The following RNF216 variants were observed in gnomAD, a reference collection of about 807,000 sequenced individuals.
RNF216 encodes ring finger protein 216, also known as E3 ubiquitin-protein ligase RNF216.
A neutral mutation model predicts 110.8 loss-of-function variants in RNF216; 72 were observed. The observed-to-expected ratio is 0.65, with a 90% CI of 0.54 to 0.79. RNF216 has a LOEUF of 0.79. RNF216 is among the 30% of genes least tolerant of loss of function. The probability of loss-of-function intolerance (pLI) is 0.00; values close to 1 mark genes in which losing one functional copy is unlikely to be tolerated. For synonymous variants in RNF216, 495 were observed against 407.5 expected, an observed-to-expected ratio of 1.21 and a Z score of -2.59; for missense variants, 1,342 against 1,141.2, an observed-to-expected ratio of 1.18 and a Z score of -2.54.
At chr7:5,756,217 C>T (rs1049283887) in intron 2 of RNF216, among the ~76,000 whole-genome samples, 2 of 152,132 alleles carry the variant, frequency 1.3e-5, no homozygotes, top group Admixed American at 6.5e-5. Flanking sequence ...TTCTCCTTTG[C>T]CTTTCGCCAT....
rs577001699 is a variant in RNF216 at position 5,744,840 on chromosome 7, C to T, written c.202-3025G>A. Among the ~76,000 whole-genome samples, 14 of 152,068 alleles carry T rather than the reference C, an allele frequency of 9.2e-5. No individual in the cohort carries two copies. In the South Asian group the frequency reaches 2.1e-3, roughly 23 times the overall value. On this transcript the variant is annotated intron_variant, in intron 3 of 16. Coordinates refer to ENST00000389902, the MANE Select transcript of RNF216 (RefSeq NM_207111.4). ...CTACAAAATTAGCTGGGAGTGGTAG[C>T]GCATGCCTGTAATCCCAGTTATTTG...
At chr7:5,652,932 C>G (rs913750334) in intron 13 of RNF216, among the ~76,000 whole-genome samples, 1 of 152,182 alleles carries the variant, frequency 6.6e-6, no homozygotes, top group Non-Finnish European at 1.5e-5. Flanking sequence ...CTAAAATGCT[C>G]TGGGCCATCT....
chr7:5,756,991 G>A (rs559244544), intron 2 of RNF216, among the ~76,000 whole-genome samples: 3 of 152,202 alleles, frequency 2.0e-5, no homozygotes, highest in African/African-American at 7.2e-5. Context: ...CTCAAAACAT[G>A]GCATTACATG....
chr7:5,740,002 C>CA (rs71004697), intron 4 of RNF216, among the ~76,000 whole-genome samples: 118,603 of 141,130 alleles, frequency 0.84, 50,455 homozygotes, highest in Middle Eastern at 0.93. Context: ...GACTCGGTCT[C>CA]AAAAAAAAAA....
At position 5,715,072 on chromosome 7, in the gene RNF216, G is replaced by A. The variant is rs1393903184; in HGVS notation, c.1814C>T (p.Ala605Val). ...KECLIRYAQE[A>V]VFGSGKLELS... ...TCTTACCTTTCCAGATCCAAAGACT[G>A]CCTCTTGGGCATATCTGATGAGACA... is the stretch of plus-strand genomic sequence containing the variant. Residue 605 changes from alanine (A) to valine (V), a missense_variant, in exon 11 of 17, where the codon GCA becomes GTA. Physicochemically the swap from Ala to Val is moderately conservative, Grantham distance 64. Transcript: ENST00000389902. 2.5e-6 allele frequency: 4 copies of A among 1,613,306 alleles called. No individual in the cohort carries two copies. Among genetic ancestry groups the A allele is most frequent in the Non-Finnish European group, 2.5e-6 (3 of 1,179,718 alleles).
chr7:5,645,530 T>C (rs1202066520), intron 14 of RNF216, among the ~76,000 whole-genome samples: 10 of 152,206 alleles, frequency 6.6e-5, no homozygotes, highest in Admixed American at 6.6e-4. Context: ...TGAATTCTTC[T>C]AGTGTATTTT....
intron 13 of RNF216, among the ~76,000 whole-genome samples, chr7:5,663,503 G>A (rs1789288065): frequency 6.7e-6 from 1 of 148,496 alleles, no homozygotes; most frequent in African/African-American, 2.5e-5. Context: ...AGAATGGCCT[G>A]AACCCGGGAG....
At chr7:5,708,816 A>C (rs958735095) in intron 13 of RNF216, among the ~76,000 whole-genome samples, 2 of 152,192 alleles carry the variant, frequency 1.3e-5, no homozygotes, top group African/African-American at 4.8e-5. Flanking sequence ...TGGGTGAGAC[A>C]GAAGCCAGTC....
intron 13 of RNF216, among the ~76,000 whole-genome samples, chr7:5,694,540 ATC>A (rs1158211327): frequency 2.0e-5 from 3 of 152,214 alleles, no homozygotes; most frequent in Non-Finnish European, 4.4e-5. Context: ...CTGCTATGAG[ATC>A]AGACAGTCAG....
chr7:5,757,571 G>C (rs1302918018), intron 2 of RNF216, among the ~76,000 whole-genome samples: 2 of 152,104 alleles, frequency 1.3e-5, no homozygotes, highest in Admixed American at 1.3e-4. Flanking sequence ...AAAGGAATGA[G>C]TTACTGATAT....
chr7:5,660,872 G>A (rs1789074058), intron 13 of RNF216, among the ~76,000 whole-genome samples: 1 of 149,792 alleles, frequency 6.7e-6, no homozygotes, highest in Non-Finnish European at 1.5e-5. Flanking sequence ...GCCTGGCCTG[G>A]GGAACATCTT....
At chr7:5,768,346 T>TACACACAC (rs71004702) in intron 1 of RNF216, among the ~76,000 whole-genome samples, 6,739 of 71,848 alleles carry the variant, frequency 0.094, 870 homozygotes, top group Middle Eastern at 0.16. Context: ...GGCAGGCAAA[T>TACACACAC]ACACACACAC....
intron 13 of RNF216, among the ~76,000 whole-genome samples, chr7:5,668,212 T>C (rs1374324219): frequency 2.0e-5 from 3 of 151,134 alleles, no homozygotes; most frequent in Non-Finnish European, 2.9e-5. Context: ...TCAGAGTAAA[T>C]AGCAAAGCGG....
At chr7:5,653,193 C>A (rs979265843) in intron 13 of RNF216, among the ~76,000 whole-genome samples, 5 of 152,174 alleles carry the variant, frequency 3.3e-5, no homozygotes, top group African/African-American at 4.8e-5. Context: ...AGTTTCACTT[C>A]ATATATAAAC....
rs556672919 is a variant in RNF216, at chr7:5,715,854, G to C, written c.1696-664C>G. On this transcript the variant is annotated intron_variant, in intron 10 of 16. Coordinates refer to ENST00000389902, the MANE Select transcript of RNF216 (RefSeq NM_207111.4). ...CCTCCCAGGTTCAAGCGATTCTCCT[G>C]CTTCAGCCTCCCGAGTAGTGGGGAT... Among the ~76,000 whole-genome samples, 5 of 149,012 alleles carry C rather than the reference G, an allele frequency of 3.4e-5. No homozygotes were observed. The South Asian group carries it at 8.4e-4, about 25-fold the overall frequency.
intron 13 of RNF216, among the ~76,000 whole-genome samples, chr7:5,698,171 G>A (rs1024412555): frequency 1.3e-5 from 2 of 152,164 alleles, no homozygotes; most frequent in Non-Finnish European, 2.9e-5. Context: ...AAAATCCTCG[G>A]TTTTCTAGAA....
chr7:5,631,521 C>T (rs2128559567), intron 15 of RNF216, among the ~76,000 whole-genome samples: 1 of 152,312 alleles, frequency 6.6e-6, no homozygotes, highest in East Asian at 1.9e-4. Flanking sequence ...ATCTCAAAGG[C>T]AGAAGCGAAT....
intron 1 of RNF216, among the ~76,000 whole-genome samples, chr7:5,764,288 G>C (rs917487890): frequency 5.3e-5 from 8 of 150,038 alleles, no homozygotes; most frequent in Admixed American, 4.7e-4. Flanking sequence ...TTGGACAGTA[G>C]TAAAAATAAA....
At chr7:5,703,247 A>G (rs1792082830) in intron 13 of RNF216, among the ~76,000 whole-genome samples, 1 of 152,224 alleles carries the variant, frequency 6.6e-6, no homozygotes, top group African/African-American at 2.4e-5. Flanking sequence ...TACTTCCTGA[A>G]TAAAGGTCTT....
Sources: allele counts gnomAD v4.1 joint callset (sites outside exome capture counted in the v4.1 genomes callset), GRCh38; gene constraint gnomAD v4.1.1; transcripts MANE v1.5; gene names NCBI Gene and HGNC (gene_info 2026-07-23, HGNC 2026-07-21).